Variants in CNNM1 observed in about 807,000 individuals in gnomAD.
CNNM1 encodes metal transporter CNNM1.
A neutral mutation model predicts 78.8 loss-of-function variants in CNNM1; 44 were observed. That is an observed-to-expected ratio of 0.56 (90% CI 0.44 to 0.72). CNNM1 has a LOEUF of 0.72. Among genes scored for constraint, CNNM1 ranks in the 30% least tolerant of loss-of-function variants. The pLI is 0.00. For missense variants in CNNM1, 1,101 were observed against 1,292.2 expected (o/e 0.85, Z 2.27); for synonymous variants, 584 against 581.5 (o/e 1.00, Z -0.06).
chr10:99,362,199 T>C, intron 3 of CNNM1, 28 bp from the exon 4 acceptor site: 1 of 1,579,004 alleles, frequency 6.3e-7, no homozygotes, highest in Non-Finnish European at 8.6e-7. Flanking sequence ...TGATGCTGAT[T>C]CCTCCCTTCC....
At chr10:99,383,528 T>A (rs2032219769) in intron 7 of CNNM1, among the ~76,000 whole-genome samples, 1 of 152,188 alleles carries the variant, frequency 6.6e-6, no homozygotes, top group Non-Finnish European at 1.5e-5. Context: ...CGCCTCGGCC[T>A]CCCAAAGTGC....
chr10:99,347,013 G>A (rs966533225), intron 1 of CNNM1, among the ~76,000 whole-genome samples: 11 of 152,084 alleles, frequency 7.2e-5, no homozygotes, highest in African/African-American at 1.9e-4. Flanking sequence ...ATGAGAACAC[G>A]TGGACACAAA....
chr10:99,363,264 A>G (rs2134052035), intron 4 of CNNM1, among the ~76,000 whole-genome samples: 1 of 152,314 alleles, frequency 6.6e-6, no homozygotes, highest in Non-Finnish European at 1.5e-5. Context: ...TGCCTCACAT[A>G]TATCTTTCCA....
intron 1 of CNNM1, among the ~76,000 whole-genome samples, chr10:99,353,723 G>C (rs1392089996): frequency 1.3e-5 from 2 of 152,224 alleles, no homozygotes; most frequent in African/African-American, 4.8e-5. Flanking sequence ...CTGTACTTAA[G>C]AAGAAATGGC....
chr10:99,370,832 G>A (rs976652791), intron 6 of CNNM1, among the ~76,000 whole-genome samples: 1 of 152,146 alleles, frequency 6.6e-6, no homozygotes, highest in African/African-American at 2.4e-5. Flanking sequence ...ATCTTATATG[G>A]GAGGAAAATA....
intron 4 of CNNM1, 112 bp downstream of exon 4, chr10:99,362,508 G>A (rs1483171837): frequency 6.5e-6 from 7 of 1,076,386 alleles, no homozygotes; most frequent in Middle Eastern, 2.9e-4. Flanking sequence ...GGCTGCCTCA[G>A]CAACAAGGCC....
At chr10:99,348,921 A>G (rs1235441171) in intron 1 of CNNM1, among the ~76,000 whole-genome samples, 3 of 151,964 alleles carry the variant, frequency 2.0e-5, no homozygotes, top group Non-Finnish European at 2.9e-5. Context: ...AAACAAACAA[A>G]TAGCCAGGCC....
chr10:99,329,538 G>C lies in CNNM1; in HGVS notation c.151G>C (p.Ala51Pro). ...GCTGGGCCTGCGGCCCGAGGACACT[G>C]CTGGAGGCCGCGTGTCCCTGGAGGG... ...WLLGLRPEDT[A>P]GGRVSLEGGT... Residue 51 changes from alanine to proline, a missense_variant, in exon 1 of 11, where the codon GCT becomes CCT. This residue lies in a region of CNNM1 where 476 missense variants were observed against 484.5 expected (regional missense o/e 0.98). Transcript: ENST00000356713. 1.3e-6 allele frequency: 2 copies of C among 1,514,018 alleles called. No individual in the cohort carries two copies. Among genetic ancestry groups the C allele is most frequent in the African/African-American group, 2.9e-5 (2 of 69,446 alleles). The allele number at this position is 1,514,018 out of a possible 1,614,324, so 93.8% of individuals were successfully genotyped here.
intron 6 of CNNM1, among the ~76,000 whole-genome samples, chr10:99,365,621 G>A (rs1219790088): frequency 3.3e-5 from 5 of 152,192 alleles, no homozygotes; most frequent in African/African-American, 1.2e-4. Flanking sequence ...GCTGTTTTCT[G>A]TGTAGTTATT....
chr10:99,377,756 T>A (rs771618969), intron 7 of CNNM1, among the ~76,000 whole-genome samples: 1 of 152,140 alleles, frequency 6.6e-6, no homozygotes, highest in African/African-American at 2.4e-5. Flanking sequence ...TAACTGAAAA[T>A]CTTTTGTAGT....
chr10:99,329,538 G>A lies in CNNM1; in HGVS notation c.151G>A (p.Ala51Thr), dbSNP rs1225806190. 1.3e-6 allele frequency: 2 copies of A among 1,514,018 alleles called. No individual in the cohort carries two copies. Among genetic ancestry groups the A allele is most frequent in the South Asian group, 1.2e-5 (1 of 80,572 alleles). 93.8% of individuals were successfully genotyped at this position (1,514,018 alleles called of 1,614,324 possible). Residue 51 changes from alanine (A) to threonine (T), a missense_variant, in exon 1 of 11, where the codon GCT becomes ACT. By Grantham distance (58) the Ala-to-Thr change is moderately conservative. Coordinates refer to ENST00000356713, the MANE Select transcript of CNNM1 (RefSeq NM_020348.3). Reference protein sequence around the residue: ...WLLGLRPEDTAGGRVSLEGGT... With the variant: ...WLLGLRPEDTTGGRVSLEGGT... ...GCTGGGCCTGCGGCCCGAGGACACT[G>A]CTGGAGGCCGCGTGTCCCTGGAGGG...
chr10:99,357,681 C>T, intron 2 of CNNM1, 26 bp downstream of exon 2: 1 of 1,550,630 alleles, frequency 6.4e-7, no homozygotes, highest in South Asian at 1.3e-5. Flanking sequence ...TGGCTGTTCT[C>T]CAGGGTCATC....
In CNNM1 at chr10:99,330,760, G is replaced by A; in HGVS notation, c.1373G>A (p.Arg458His). 6.2e-7 allele frequency: 1 copy of A among 1,614,058 alleles called. No individual in the cohort carries two copies. Among genetic ancestry groups the A allele is most frequent in the Non-Finnish European group, 8.5e-7 (1 of 1,179,960 alleles). The change falls in exon 1 of 11, where the codon CGC (arginine) becomes CAC (histidine). Residue 458 changes from arginine (R) to histidine (H), a missense_variant. By Grantham distance (29) the Arg-to-His change is conservative. This residue lies in a region of CNNM1 where 277 missense variants were observed against 423.2 expected (regional missense o/e 0.65). Transcript: ENST00000356713. The part of the protein sequence containing the change: ...LDFATVSEIL[R>H]SGYTRIPVYE... ...TTCGCCACTGTCTCCGAGATCCTGC[G>A]CAGCGGCTACACTCGCATCCCAGTG... is the stretch of plus-strand genomic sequence containing the variant.
chr10:99,353,859 G>A (rs1223394556), intron 1 of CNNM1, among the ~76,000 whole-genome samples: 1 of 152,154 alleles, frequency 6.6e-6, no homozygotes, highest in East Asian at 1.9e-4. Context: ...TATAATTAGG[G>A]CTTAAAATCT....
intron 2 of CNNM1, among the ~76,000 whole-genome samples, chr10:99,359,004 C>CAAAAAAAAA (rs769541046): frequency 1.9e-5 from 1 of 51,516 alleles, no homozygotes; most frequent in Non-Finnish European, 3.4e-5. Context: ...AAGACTGTCT[C>CAAAAAAAAA]AAAAAAAAAA....
Position 99,336,416 on chromosome 10 carries a change from A to G in CNNM1, c.1573+5456A>G, listed in dbSNP as rs146630972. Among the ~76,000 whole-genome samples the G allele has an allele frequency of 6.6e-5, 10 of 152,338 alleles. No homozygotes were observed. The East Asian group carries it at 9.6e-4, about 15-fold the overall frequency. ...TCTAGGTTTTGTGTGACTACATTCT[A>G]TGATGTTCACACAATCATGAAATTG... On this transcript the variant is annotated intron_variant, in intron 1 of 10. Transcript: ENST00000356713.
At position 99,330,002 on chromosome 10, in the gene CNNM1, G is replaced by A. The variant is rs748531858; in HGVS notation, c.615G>A (p.Leu205=). The part of the protein sequence containing the change: ...HHHGAAGGFL[L]RVRPRLYGPG... ...ACGGCGCCGCCGGCGGCTTCCTGCT[G>A]CGCGTTCGCCCGCGGTTGTACGGCC... Residue 205 remains leucine (L), a synonymous_variant, in exon 1 of 11, where the codon CTG becomes CTA. Coordinates refer to ENST00000356713, the MANE Select transcript of CNNM1 (RefSeq NM_020348.3). The A allele has an allele frequency of 1.3e-5, 18 of 1,405,784 alleles. No homozygotes were observed. Among genetic ancestry groups the A allele is most frequent in the Non-Finnish European group, 1.5e-5 (16 of 1,091,936 alleles). The allele number at this position is 1,405,784 out of a possible 1,614,324, so 87.1% of individuals were successfully genotyped here.
intron 6 of CNNM1, among the ~76,000 whole-genome samples, chr10:99,374,455 T>C (rs2031903775): frequency 6.6e-6 from 1 of 152,214 alleles, no homozygotes; most frequent in African/African-American, 2.4e-5. Flanking sequence ...CCTTTGATTC[T>C]AGTTGCACAC....
intron 6 of CNNM1, among the ~76,000 whole-genome samples, chr10:99,366,756 T>G (rs528118176): frequency 1.3e-5 from 2 of 152,268 alleles, no homozygotes; most frequent in African/African-American, 4.8e-5. Context: ...TACTCCAGCC[T>G]GGCTACAGAG....
Sources: allele counts gnomAD v4.1 joint callset (sites outside exome capture counted in the v4.1 genomes callset), GRCh38; gene constraint gnomAD v4.1.1; regional missense constraint gnomAD v4.1.1; transcripts MANE v1.5; gene names NCBI Gene and HGNC (gene_info 2026-07-23, HGNC 2026-07-21).